Variants in PRTFDC1 observed in about 807,000 individuals in gnomAD.
PRTFDC1 encodes phosphoribosyl transferase domain containing 1, also known as phosphoribosyltransferase domain-containing protein 1.
Under a neutral mutation model 34.6 loss-of-function variants are expected in PRTFDC1, and 38 were observed. The ratio of observed to expected loss-of-function variants is 1.10; its 90% CI spans 0.85 to 1.44. PRTFDC1 has a LOEUF of 1.44. Among genes scored for constraint, PRTFDC1 ranks in the 40% most tolerant of loss-of-function variants. The pLI, the probability that PRTFDC1 is intolerant of heterozygous loss-of-function variation, is 0.00. For missense variants in PRTFDC1, 270 were observed against 283.0 expected (o/e 0.95, Z 0.33); for synonymous variants, 93 against 98.1 (o/e 0.95, Z 0.31).
At chr10:24,937,156 T>G in intron 3 of PRTFDC1, 28 bp downstream of exon 3, 2 of 1,555,896 alleles carry the variant, frequency 1.3e-6, no homozygotes, top group Non-Finnish European at 1.8e-6. Context: ...AAATGAAATG[T>G]CATAAAGCGG....
rs186925736 is a variant in PRTFDC1, at chr10:24,876,303, G to C, written c.340-4240C>G. On this transcript the variant is annotated intron_variant, in intron 3 of 8. Transcript: ENST00000320152. ...TTTTTTTTTTCCTGTCTGGTAGATTGTACAAAGATTAACTGAATTAATGCA... is the reference window on the plus strand; with the variant it reads ...TTTTTTTTTTCCTGTCTGGTAGATTCTACAAAGATTAACTGAATTAATGCA... Among the ~76,000 whole-genome samples the C allele has an allele frequency of 2.6e-3, 388 of 151,998 alleles. 2 individuals are homozygous for C. The highest frequency in any genetic ancestry group is 8.3e-3 in the African/African-American group (345 of 41,444).
At chr10:24,872,804 ATATTT>A (rs1487896334) in intron 3 of PRTFDC1, among the ~76,000 whole-genome samples, 1 of 119,440 alleles carries the variant, frequency 8.4e-6, no homozygotes, top group African/African-American at 3.9e-5. Context: ...ATATATATAT[ATATTT>A]TTTTTTTTTT....
Position 24,921,687 on chromosome 10 carries a change from CTGTT to C in PRTFDC1, c.339+15493_339+15496del, listed in dbSNP as rs201972517. Among the ~76,000 whole-genome samples, 1,276 of 139,980 alleles carry C rather than the reference CTGTT, an allele frequency of 9.1e-3. 27 individuals carry two copies. The highest frequency in any genetic ancestry group is 0.033 in the African/African-American group (1,223 of 37,068). The allele number at this position is 139,980 out of a possible 152,430, so 91.8% of individuals were successfully genotyped here. A position where few individuals can be genotyped will look rare whatever the true frequency, so the allele number is the denominator to read the frequency against. On this transcript the variant is annotated intron_variant, in intron 3 of 8. Transcript: ENST00000320152. ...ACATTATTCTCCTATTTGTCAATGT[CTGTT>C]TGAGTTCATTTCTGTTCTCTAGGAA... is the stretch of plus-strand genomic sequence containing the variant.
At chr10:24,926,688 C>T (rs914920594) in intron 3 of PRTFDC1, among the ~76,000 whole-genome samples, 2 of 152,216 alleles carry the variant, frequency 1.3e-5, no homozygotes, top group African/African-American at 4.8e-5. Flanking sequence ...CCCTGCTGCA[C>T]TGGACTTCAA....
At position 24,856,736 on chromosome 10, in the gene PRTFDC1, T is replaced by G. The variant is rs183432477; in HGVS notation, c.506+177A>C. ...GCAAAGCACGTCTTCTTCCCTTACT[T>G]CTCTCAGGCTAGCAGTCAAGGGCTG... is the stretch of plus-strand genomic sequence containing the variant. On this transcript the variant is annotated intron_variant, in intron 6 of 8. Transcript: ENST00000320152. Among the ~76,000 whole-genome samples the G allele has an allele frequency of 3.4e-4, 52 of 152,284 alleles. No individual in the cohort carries two copies. The East Asian group carries it at 8.7e-3, about 25-fold the overall frequency.
At chr10:24,874,004 C>T (rs1395156253) in intron 3 of PRTFDC1, among the ~76,000 whole-genome samples, 1 of 151,170 alleles carries the variant, frequency 6.6e-6, no homozygotes, top group African/African-American at 2.4e-5. Flanking sequence ...AACTCCTGGG[C>T]TCAAGCGATC....
At chr10:24,950,475 G>GCT (rs1253121877) in intron 1 of PRTFDC1, among the ~76,000 whole-genome samples, 3 of 152,230 alleles carry the variant, frequency 2.0e-5, no homozygotes, top group African/African-American at 7.2e-5. Context: ...GATTAGGGAT[G>GCT]CTCAACTTGT....
intron 3 of PRTFDC1, among the ~76,000 whole-genome samples, chr10:24,907,365 C>T (rs754858351): frequency 5.3e-5 from 8 of 151,836 alleles, no homozygotes; most frequent in Admixed American, 3.3e-4. Context: ...GAGGCTGAGG[C>T]GGGTGGATCA....
intron 2 of PRTFDC1, among the ~76,000 whole-genome samples, chr10:24,941,062 T>TGTGTGTGTGTGTGTGTG (rs1564320103): frequency 6.9e-6 from 1 of 145,130 alleles, no homozygotes; most frequent in African/African-American, 2.6e-5. Flanking sequence ...GTGTGTGTGT[T>TGTGTGTGTGTGTGTGTG]TGTGTGTTTG....
At chr10:24,867,712 C>T (rs1056066564) in intron 4 of PRTFDC1, 11 of 151,672 alleles carry the variant, frequency 7.3e-5, no homozygotes, top group African/African-American at 2.4e-4. Flanking sequence ...TCTTCAAAGC[C>T]GTCACCTATT....
chr10:24,893,300 C>T (rs900253750), intron 3 of PRTFDC1, among the ~76,000 whole-genome samples: 1 of 151,700 alleles, frequency 6.6e-6, no homozygotes, highest in South Asian at 2.1e-4. Context: ...TTCTCTCTTT[C>T]TTTCTCTTGG....
At chr10:24,916,621 G>A (rs1377469163) in intron 3 of PRTFDC1, among the ~76,000 whole-genome samples, 2 of 152,036 alleles carry the variant, frequency 1.3e-5, no homozygotes, top group Admixed American at 1.3e-4. Context: ...GTCTGCATGG[G>A]GAGCCTTTGT....
chr10:24,857,569 G>A (rs1302081949), intron 5 of PRTFDC1, among the ~76,000 whole-genome samples: 1 of 152,120 alleles, frequency 6.6e-6, no homozygotes, highest in African/African-American at 2.4e-5. Flanking sequence ...AATGGGCAGC[G>A]GCGATTTATT....
chr10:24,934,247 GGAGA>G lies in PRTFDC1; in HGVS notation c.339+2933_339+2936del, dbSNP rs1564317706. Among the ~76,000 whole-genome samples the G allele has an allele frequency of 3.2e-3, 335 of 105,988 alleles. 7 individuals carry two copies. Among genetic ancestry groups the G allele is most frequent in the Admixed American group, 0.016 (173 of 10,862 alleles). The allele number at this position is 105,988 out of a possible 152,430, so 69.5% of individuals were successfully genotyped here. A position where few individuals can be genotyped will look rare whatever the true frequency, so the allele number is the denominator to read the frequency against. ...AGAAGAAGAAGAAGAAGAAGAAGAA[GGAGA>G]AGAAGAAGAAGAAGAAGAAGAAGAA... On this transcript the variant is annotated intron_variant, in intron 3 of 8. Transcript: ENST00000320152.
chr10:24,853,210 G>A (rs1847518718), intron 7 of PRTFDC1, among the ~76,000 whole-genome samples: 2 of 152,026 alleles, frequency 1.3e-5, no homozygotes, highest in Non-Finnish European at 2.9e-5. Context: ...ATATGAAGCC[G>A]GGTGCGCACC....
Position 24,942,421 on chromosome 10 carries a change from G to A in PRTFDC1, c.64C>T (p.Pro22Ser), listed in dbSNP as rs1849176626. Residue 22 changes from proline (P) to serine (S), a missense_variant, in exon 2 of 9, where the codon CCA becomes TCA. Physicochemically the swap from Pro to Ser is moderately conservative, Grantham distance 74 (BLOSUM62 -1). Transcript: ENST00000320152. ...GTGAATAAATTCAAGTCATACCCTG[G>A]CCAATCATCCATAATCTGCAAATCA... ...GRGVVIMDDW[P>S]GYDLNLFTYP... 2 of 1,612,990 alleles carry A rather than the reference G, an allele frequency of 1.2e-6. No homozygotes were observed. The highest frequency in any genetic ancestry group is 1.7e-6 in the Non-Finnish European group (2 of 1,179,018).
intron 8 of PRTFDC1, among the ~76,000 whole-genome samples, chr10:24,850,347 T>C (rs1847462744): frequency 6.6e-6 from 1 of 151,976 alleles, no homozygotes; most frequent in Non-Finnish European, 1.5e-5. Flanking sequence ...AAAAGGAGGA[T>C]TTGGATGGGC....
At chr10:24,908,177 G>T (rs1397095314) in intron 3 of PRTFDC1, 2 of 233,968 alleles carry the variant, frequency 8.5e-6, no homozygotes, top group Non-Finnish European at 1.7e-5. Flanking sequence ...AGGGCCTGGG[G>T]CTACATCATA....
chr10:24,893,549 A>G (rs1848300192), intron 3 of PRTFDC1, among the ~76,000 whole-genome samples: 4 of 152,080 alleles, frequency 2.6e-5, no homozygotes, highest in South Asian at 4.2e-4. Flanking sequence ...GCCTCAAGTG[A>G]TCCTCCTGCC....
Sources: allele counts gnomAD v4.1 joint callset (sites outside exome capture counted in the v4.1 genomes callset), GRCh38; gene constraint gnomAD v4.1.1; transcripts MANE v1.5; gene names NCBI Gene and HGNC (gene_info 2026-07-23, HGNC 2026-07-21).